Variants in INPP4B observed in about 807,000 individuals in gnomAD.
INPP4B encodes the protein inositol polyphosphate 4-phosphatase type II.
INPP4B carries 55 observed loss-of-function variants against 122.5 expected under a neutral mutation model. The ratio of observed to expected loss-of-function variants is 0.45; its 90% CI spans 0.36 to 0.56. The LOEUF is 0.56. Among genes scored for constraint, INPP4B ranks in the 20% least tolerant of loss-of-function variants. INPP4B has a pLI of 0.00. For synonymous variants in INPP4B, 403 were observed against 388.7 expected (o/e 1.04, Z -0.43); for missense variants, 1,000 against 1,097.7 (o/e 0.91, Z 1.26).
chr4:142,503,845 A>G (rs1251840750), intron 2 of INPP4B, among the ~76,000 whole-genome samples: 2 of 152,150 alleles, frequency 1.3e-5, no homozygotes, highest in Non-Finnish European at 2.9e-5. Context: ...GCTATATAAG[A>G]TCAGTAGAGA....
chr4:142,054,243 C>T (rs1190920932), intron 25 of INPP4B, among the ~76,000 whole-genome samples: 3 of 151,744 alleles, frequency 2.0e-5, no homozygotes, highest in East Asian at 3.9e-4. Flanking sequence ...ATATGCCCAA[C>T]CACAACACCC....
chr4:142,233,048 C>T (rs1855100962), intron 12 of INPP4B, among the ~76,000 whole-genome samples: 1 of 152,126 alleles, frequency 6.6e-6, no homozygotes, highest in South Asian at 2.1e-4. Context: ...CATAAAAGTA[C>T]AAGGTGAAGC....
intron 25 of INPP4B, among the ~76,000 whole-genome samples, chr4:142,067,415 CT>C (rs1207194089): frequency 6.6e-6 from 1 of 152,178 alleles, no homozygotes; most frequent in Non-Finnish European, 1.5e-5. Flanking sequence ...ATCAGAGCAC[CT>C]TTTCTCCTCC....
At chr4:142,750,641 G>A (rs1429033464) in intron 1 of INPP4B, among the ~76,000 whole-genome samples, 1 of 152,110 alleles carries the variant, frequency 6.6e-6, no homozygotes, top group Non-Finnish European at 1.5e-5. Context: ...TGGATGTAAT[G>A]GGAAGAGGTC....
intron 2 of INPP4B, among the ~76,000 whole-genome samples, chr4:142,678,841 T>G (rs180984360): frequency 6.0e-5 from 9 of 150,946 alleles, no homozygotes; most frequent in East Asian, 2.0e-4. Context: ...TGTTGTGGTG[T>G]TTTTTTTTCC....
At chr4:142,350,122 G>T (rs185267326) in intron 7 of INPP4B, among the ~76,000 whole-genome samples, 7 of 152,084 alleles carry the variant, frequency 4.6e-5, no homozygotes, top group Admixed American at 4.6e-4. Flanking sequence ...TGAGGCTGAA[G>T]AACTTGAATT....
At chr4:142,094,480 A>G (rs1265516328) in intron 23 of INPP4B, among the ~76,000 whole-genome samples, 2 of 152,200 alleles carry the variant, frequency 1.3e-5, no homozygotes, top group East Asian at 3.8e-4. Flanking sequence ...CTAAGAATGG[A>G]TTTCTCAAAA....
chr4:142,588,129 A>C (rs1356398457), intron 2 of INPP4B, among the ~76,000 whole-genome samples: 1 of 151,908 alleles, frequency 6.6e-6, no homozygotes, highest in African/African-American at 2.4e-5. Context: ...CAAAATAAAA[A>C]CTCTCAGCAG....
At position 142,272,749 on chromosome 4, in the gene INPP4B, A is replaced by G. The variant is rs148761690; in HGVS notation, c.504-1975T>C. 3.3e-4 allele frequency among the ~76,000 whole-genome samples: 50 copies of G among 152,148 alleles called. No homozygotes were observed. The East Asian group carries it at 5.8e-3, about 18-fold the overall frequency. On this transcript the variant is annotated intron_variant, in intron 9 of 25. Coordinates refer to ENST00000262992, the MANE Select transcript of INPP4B (RefSeq NM_001101669.3). The stretch of plus-strand genomic sequence containing the variant: ...TAATTCTTCAGTACTTAGTAGTTAA[A>G]TAAAGCATATAATAAGGACCTTCAT...
At chr4:142,137,023 G>A (rs546463990) in intron 18 of INPP4B, among the ~76,000 whole-genome samples, 1 of 152,102 alleles carries the variant, frequency 6.6e-6, no homozygotes, top group African/African-American at 2.4e-5. Context: ...TCATAGAATT[G>A]GAAAAAACTA....
At chr4:142,039,362 T>G (rs1391048289) in intron 25 of INPP4B, among the ~76,000 whole-genome samples, 1 of 152,218 alleles carries the variant, frequency 6.6e-6, no homozygotes, top group Non-Finnish European at 1.5e-5. Context: ...AATGTATTAA[T>G]TTTTCACTAT....
In INPP4B at chr4:142,826,304, T is replaced by G. The variant is rs138110999; in HGVS notation, c.-254+19905A>C. On this transcript the variant is annotated intron_variant, in intron 1 of 25. Transcript: ENST00000262992. ...TAAGTTTCATAGGCCATGTTCTTCG[T>G]TTTTACTATTCTTGCATTTCAGGAC... Among the ~76,000 whole-genome samples, 13 of 152,238 alleles carry G rather than the reference T, an allele frequency of 8.5e-5. No individual in the cohort carries two copies. In the East Asian group the frequency reaches 2.5e-3, roughly 29 times the overall value.
At chr4:142,667,998 C>A (rs1358112575) in intron 2 of INPP4B, among the ~76,000 whole-genome samples, 1 of 152,040 alleles carries the variant, frequency 6.6e-6, no homozygotes, top group Non-Finnish European at 1.5e-5. Context: ...ACAAATTCTT[C>A]AAAAATTGAA....
chr4:142,037,710 A>T (rs964282686), intron 25 of INPP4B, among the ~76,000 whole-genome samples: 3 of 152,174 alleles, frequency 2.0e-5, no homozygotes, highest in Non-Finnish European at 2.9e-5. Flanking sequence ...TTGACTCAAC[A>T]TTCATCTGAT....
chr4:142,758,935 A>C (rs1210063108), intron 1 of INPP4B, among the ~76,000 whole-genome samples: 3 of 149,616 alleles, frequency 2.0e-5, no homozygotes, highest in Non-Finnish European at 4.4e-5. Context: ...CCTGAGAGAC[A>C]GAGTGAGACT....
At chr4:142,845,462 T>C (rs1307959349) in intron 1 of INPP4B, among the ~76,000 whole-genome samples, 2 of 151,772 alleles carry the variant, frequency 1.3e-5, no homozygotes, top group Admixed American at 1.3e-4. Flanking sequence ...AACAATGACC[T>C]CCCCCGTCCA....
In INPP4B at chr4:142,703,053, G is replaced by A. The variant is rs564560588; in HGVS notation, c.-191+22786C>T. Among the ~76,000 whole-genome samples the A allele has an allele frequency of 7.9e-5, 12 of 152,228 alleles. No homozygotes were observed. The East Asian group carries it at 9.7e-4, about 12-fold the overall frequency. On this transcript the variant is annotated intron_variant, in intron 2 of 25. Coordinates refer to ENST00000262992, the MANE Select transcript of INPP4B (RefSeq NM_001101669.3). ...CAAGTTACTTAACTTCTATCAGCTCGATTTCCTCACCTGCCAAAGGAAGAC... is the reference window on the plus strand; with the variant it reads ...CAAGTTACTTAACTTCTATCAGCTCAATTTCCTCACCTGCCAAAGGAAGAC...
At chr4:142,588,823 A>G (rs1401041301) in intron 2 of INPP4B, among the ~76,000 whole-genome samples, 1 of 151,882 alleles carries the variant, frequency 6.6e-6, no homozygotes. Flanking sequence ...AATTTTGTAG[A>G]TATCAGCAAC....
intron 17 of INPP4B, among the ~76,000 whole-genome samples, chr4:142,150,254 T>A (rs1055874456): frequency 6.6e-6 from 1 of 152,184 alleles, no homozygotes; most frequent in Non-Finnish European, 1.5e-5. Flanking sequence ...AAAGGCTGAT[T>A]AGTGGGAAGA....
Sources: allele counts gnomAD v4.1 joint callset (sites outside exome capture counted in the v4.1 genomes callset), GRCh38; gene constraint gnomAD v4.1.1; transcripts MANE v1.5; gene names NCBI Gene and HGNC (gene_info 2026-07-23, HGNC 2026-07-21).